POU6F2: variants seen among roughly 807,000 people sequenced by gnomAD.
The protein encoded by POU6F2 is POU class 6 homeobox 2.
Under a neutral mutation model 71.3 loss-of-function variants are expected in POU6F2, and 31 were observed. The ratio of observed to expected loss-of-function variants is 0.43; its 90% CI spans 0.33 to 0.59. The LOEUF (loss-of-function observed/expected upper bound fraction) is 0.59, where lower values mean the gene tolerates loss of function less well. Ranked by LOEUF, POU6F2 falls within the 20% of genes least tolerant of loss-of-function variation. POU6F2 has a pLI of 0.04. For synonymous variants in POU6F2, 347 were observed against 355.7 expected, an observed-to-expected ratio of 0.98 and a Z score of 0.27; for missense variants, 783 against 856.8, an observed-to-expected ratio of 0.91 and a Z score of 1.07.
chr7:39,464,281 T>A lies in POU6F2; in HGVS notation c.1758T>A (p.Tyr586Ter). Residue 586 changes from tyrosine (Y) to a stop codon, truncating the protein, a stop_gained, in exon 10 of 10, where the codon TAT (tyrosine) becomes TAA (stop). Coordinates refer to ENST00000518318, the MANE Select transcript of POU6F2 (RefSeq NM_001370959.1). LOFTEE classifies it high-confidence loss of function. The surrounding 1 kb of genome is among the most constrained non-coding windows in gnomAD (Gnocchi z 4.1). ...LTAKLNPGLL[Y>*]PARFEKLDIT... ...CCAAACTGAACCCTGGCCTTTTGTA[T>A]CCTGCCAGGTTTGAAAAGCTGGACA... The A allele has an allele frequency of 6.2e-7, 1 of 1,614,006 alleles. No homozygotes were observed. Among genetic ancestry groups the A allele is most frequent in the Non-Finnish European group, 8.5e-7 (1 of 1,179,902 alleles).
At chr7:39,422,048 GA>G (rs1415626276) in intron 6 of POU6F2, among the ~76,000 whole-genome samples, 2 of 152,164 alleles carry the variant, frequency 1.3e-5, no homozygotes, top group South Asian at 2.1e-4. Flanking sequence ...TTTTAAGGGG[GA>G]AAAAATGTTT....
chr7:39,025,099 C>T (rs1339089600), intron 1 of POU6F2, among the ~76,000 whole-genome samples: 3 of 152,036 alleles, frequency 2.0e-5, no homozygotes, highest in East Asian at 1.9e-4. Flanking sequence ...CCTCCTTGTA[C>T]CTCTGGTAGA....
intron 2 of POU6F2, among the ~76,000 whole-genome samples, chr7:39,139,551 C>T (rs2128731454): frequency 6.6e-6 from 1 of 152,282 alleles, no homozygotes; most frequent in East Asian, 1.9e-4. Context: ...TTGCTGTTTT[C>T]CAATCCTAAT....
At chr7:39,341,890 A>G (rs928296152) in intron 5 of POU6F2, among the ~76,000 whole-genome samples, 1 of 152,232 alleles carries the variant, frequency 6.6e-6, no homozygotes, top group African/African-American at 2.4e-5. Context: ...GCCTCATGAA[A>G]ATAAACTTAG....
intron 1 of POU6F2, among the ~76,000 whole-genome samples, chr7:39,025,195 T>G (rs186497237): frequency 6.6e-6 from 1 of 152,196 alleles, no homozygotes; most frequent in Admixed American, 6.5e-5. Flanking sequence ...CTGTTATTGG[T>G]CTATTCAGAG....
intron 1 of POU6F2, among the ~76,000 whole-genome samples, chr7:39,000,603 G>T (rs1217501250): frequency 1.3e-5 from 2 of 151,288 alleles, no homozygotes; most frequent in African/African-American, 4.9e-5. Flanking sequence ...TCTCTCATAT[G>T]CATTCATAGC....
At chr7:39,004,327 A>AG (rs1326874114) in intron 1 of POU6F2, among the ~76,000 whole-genome samples, 138 of 152,380 alleles carry the variant, frequency 9.1e-4, no homozygotes, top group African/African-American at 3.2e-3. Context: ...TATGAGTATT[A>AG]GGCACATTTG....
intron 4 of POU6F2, among the ~76,000 whole-genome samples, chr7:39,305,786 C>G (rs1785036800): frequency 6.6e-6 from 1 of 152,144 alleles, no homozygotes; most frequent in African/African-American, 2.4e-5. Context: ...TGCTAATGTT[C>G]TTCAATGTGC....
At chr7:39,431,885 C>A (rs1359764884) in intron 6 of POU6F2, among the ~76,000 whole-genome samples, 1 of 152,178 alleles carries the variant, frequency 6.6e-6, no homozygotes, top group Admixed American at 6.5e-5. Flanking sequence ...GGCCAGGTCA[C>A]CAGATTTCAC....
intron 2 of POU6F2, among the ~76,000 whole-genome samples, chr7:39,104,608 C>G (rs1039348716): frequency 6.6e-6 from 1 of 152,174 alleles, no homozygotes; most frequent in African/African-American, 2.4e-5. Context: ...CTAGACTTTT[C>G]TAACCTAGCC....
chr7:39,175,963 G>T (rs570015560), intron 2 of POU6F2, among the ~76,000 whole-genome samples: 1 of 152,146 alleles, frequency 6.6e-6, no homozygotes, highest in Non-Finnish European at 1.5e-5. Context: ...ACTGGCCCAT[G>T]GCTGCCTTTA....
At chr7:39,049,558 G>T (rs972120269) in intron 1 of POU6F2, among the ~76,000 whole-genome samples, 1 of 151,758 alleles carries the variant, frequency 6.6e-6, no homozygotes, top group South Asian at 2.1e-4. Context: ...AATTTATTGA[G>T]GCTTGCTTTA....
intron 1 of POU6F2, among the ~76,000 whole-genome samples, chr7:39,069,534 G>C (rs1790830804): frequency 6.6e-6 from 1 of 152,124 alleles, no homozygotes; most frequent in Non-Finnish European, 1.5e-5. Flanking sequence ...ACAGGGGTTG[G>C]GGCATCAATC....
intron 2 of POU6F2, among the ~76,000 whole-genome samples, chr7:39,160,388 C>T (rs895491816): frequency 6.6e-6 from 1 of 152,082 alleles, no homozygotes; most frequent in African/African-American, 2.4e-5. Context: ...CCCACAGACA[C>T]TCTTCTGGTT....
chr7:39,207,165 G>C (rs1408198444), intron 3 of POU6F2, among the ~76,000 whole-genome samples: 2 of 152,128 alleles, frequency 1.3e-5, no homozygotes, highest in African/African-American at 4.8e-5. Flanking sequence ...AAAGATATTT[G>C]AGTTCCTCAC....
At chr7:39,387,362 T>TTTG (rs1487754595) in intron 5 of POU6F2, among the ~76,000 whole-genome samples, 1 of 152,182 alleles carries the variant, frequency 6.6e-6, no homozygotes, top group Non-Finnish European at 1.5e-5. Context: ...TGTGCATCCT[T>TTTG]TCCATTGCAG....
chr7:39,316,616 A>C (rs1359719574), intron 4 of POU6F2, among the ~76,000 whole-genome samples: 2 of 152,026 alleles, frequency 1.3e-5, no homozygotes, highest in Admixed American at 6.5e-5. Context: ...TCCATATAAG[A>C]CTTATGTCTT....
intron 4 of POU6F2, among the ~76,000 whole-genome samples, chr7:39,288,447 G>C (rs1225051182): frequency 6.6e-6 from 1 of 152,196 alleles, no homozygotes; most frequent in Non-Finnish European, 1.5e-5. Context: ...ACAAGTAGCA[G>C]ACATTCAGCA....
At chr7:39,160,379 C>A (rs1261944609) in intron 2 of POU6F2, among the ~76,000 whole-genome samples, 1 of 152,070 alleles carries the variant, frequency 6.6e-6, no homozygotes, top group Admixed American at 6.5e-5. Flanking sequence ...CTTTTCCGTC[C>A]CACAGACACT....
Sources: gnomAD v4.1 joint callset for allele counts (sites outside exome capture counted in the v4.1 genomes callset) on GRCh38, gnomAD v4.1.1 for gene constraint, Gnocchi (gnomAD v3.1) non-coding constraint, MANE v1.5 for transcripts, NCBI Gene and HGNC (gene_info 2026-07-23, HGNC 2026-07-21) for gene names.